ANTXRL: variants seen among roughly 807,000 people sequenced by gnomAD.
ANTXRL encodes the protein anthrax toxin receptor-like.
In ANTXRL, 63 loss-of-function variants were observed where a neutral mutation model predicts 75.4. That is an observed-to-expected ratio of 0.84 (90% CI 0.68 to 1.03). ANTXRL has a LOEUF of 1.03. ANTXRL is among the 50% of genes least tolerant of loss of function. The pLI is 0.00. For synonymous variants in ANTXRL, 335 were observed against 291.3 expected, an observed-to-expected ratio of 1.15 and a Z score of -1.53; for missense variants, 797 against 789.4, an observed-to-expected ratio of 1.01 and a Z score of -0.12.
intron 16 of ANTXRL, among the ~76,000 whole-genome samples, chr10:46,327,332 G>A (rs1240703904): frequency 2.0e-5 from 3 of 152,066 alleles, no homozygotes; most frequent in African/African-American, 7.2e-5. Flanking sequence ...TGGGAGGGAA[G>A]ATGGTCCTGG....
chr10:46,325,078 C>A (rs1433209618), intron 16 of ANTXRL, among the ~76,000 whole-genome samples: 1 of 152,088 alleles, frequency 6.6e-6, no homozygotes, highest in Non-Finnish European at 1.5e-5. Context: ...CTGGTATACA[C>A]CAGCATTGCA....
rs1554955536 is a variant in ANTXRL at position 46,287,433 on chromosome 10, A to G, written c.171A>G (p.Gly57=). The part of the protein sequence containing the change: ...SRRAHHHHGP[G]WRQHWRQGQA... ...GAGCCCACCACCACCATGGCCCAGG[A>G]TGGAGGCAGCACTGGCGCCAGGGGC... Residue 57 remains glycine, a synonymous_variant, in exon 1 of 17, where the codon GGA becomes GGG. Transcript: ENST00000620264. 1.3e-6 allele frequency: 2 copies of G among 1,535,718 alleles called. No individual in the cohort carries two copies. The highest frequency in any genetic ancestry group is 1.4e-5 in the African/African-American group (1 of 72,942).
At chr10:46,297,693 C>A (rs1554959301) in intron 7 of ANTXRL, 138 bp from the exon 8 acceptor site, 10 of 893,238 alleles carry the variant, frequency 1.1e-5, no homozygotes, top group Non-Finnish European at 5.2e-6. Context: ...GGGCTGCTGG[C>A]TGGAGAAGTC....
At chr10:46,325,453 G>GT (rs1441636862) in intron 16 of ANTXRL, among the ~76,000 whole-genome samples, 3 of 152,220 alleles carry the variant, frequency 2.0e-5, no homozygotes, top group Non-Finnish European at 4.4e-5. Flanking sequence ...AGCCTTTTGG[G>GT]TTTTTTCTTG....
intron 13 of ANTXRL, among the ~76,000 whole-genome samples, chr10:46,310,120 G>A (rs1838336442): frequency 6.6e-6 from 1 of 152,136 alleles, no homozygotes; most frequent in Non-Finnish European, 1.5e-5. Context: ...CTCTCCCTAA[G>A]GAAGGGAAGT....
Position 46,310,484 on chromosome 10 carries a change from G to T in ANTXRL, c.1158G>T (p.Val386=). The T allele has an allele frequency of 2.6e-6, 4 of 1,536,322 alleles. No homozygotes were observed. The highest frequency in any genetic ancestry group is 3.5e-6 in the Non-Finnish European group (4 of 1,146,784). ...AGACTGTCAAGGAGCCACCACCTGT[G>T]CAGAAGCCAGAAAAGGTAAGTTGCA... is the stretch of plus-strand genomic sequence containing the variant. ...RKQTVKEPPP[V]QKPEKEPEQE... The change falls in exon 14 of 17, where the codon GTG becomes GTT. Residue 386 remains valine (V), a synonymous_variant. Coordinates refer to ENST00000620264, the MANE Select transcript of ANTXRL (RefSeq NM_001278688.3).
At chr10:46,316,967 A>G (rs1450506618) in intron 16 of ANTXRL, among the ~76,000 whole-genome samples, 3 of 152,080 alleles carry the variant, frequency 2.0e-5, no homozygotes, top group African/African-American at 4.8e-5. Context: ...GTGAGTGCAC[A>G]CTGCAAGGAC....
rs188940277 is a variant in ANTXRL at position 46,300,154 on chromosome 10, C to T, written c.796+2092C>T. Among the ~76,000 whole-genome samples the T allele has an allele frequency of 1.4e-4, 21 of 152,282 alleles. No homozygotes were observed. In the East Asian group the frequency reaches 3.7e-3, roughly 27 times the overall value. On this transcript the variant is annotated intron_variant, in intron 9 of 16. Transcript: ENST00000620264. The stretch of plus-strand genomic sequence containing the variant: ...GGCAGGTGCCCTCTGCCCACCAGCT[C>T]GGCCTTCTGCCTCTGCTCACGTGGC...
At chr10:46,297,501 C>T (rs1554959189) in intron 7 of ANTXRL, 27 bp downstream of exon 7, 8 of 1,533,236 alleles carry the variant, frequency 5.2e-6, no homozygotes, top group Non-Finnish European at 7.0e-6. Flanking sequence ...AACCAGGCGC[C>T]ACTTTCAAGC....
intron 2 of ANTXRL, among the ~76,000 whole-genome samples, chr10:46,292,352 GC>G (rs1837028112): frequency 4.6e-5 from 7 of 152,106 alleles, no homozygotes; most frequent in Non-Finnish European, 8.8e-5. Flanking sequence ...CAGACATATT[GC>G]AGGGGAGGCA....
At chr10:46,320,233 G>C (rs1838917185) in intron 16 of ANTXRL, among the ~76,000 whole-genome samples, 1 of 152,146 alleles carries the variant, frequency 6.6e-6, no homozygotes, top group Non-Finnish European at 1.5e-5. Flanking sequence ...TTTCCTGGGG[G>C]CTCACTCTTG....
At chr10:46,301,519 G>A (rs114180222) in intron 9 of ANTXRL, among the ~76,000 whole-genome samples, 4,714 of 152,262 alleles carry the variant, frequency 0.031, 261 homozygotes, top group African/African-American at 0.11. Flanking sequence ...AGCAGTCAGC[G>A]TTGAGGGCCT....
intron 10 of ANTXRL, among the ~76,000 whole-genome samples, chr10:46,304,862 A>T (rs760209504): frequency 6.6e-6 from 1 of 151,972 alleles, no homozygotes; most frequent in Non-Finnish European, 1.5e-5. Context: ...CGTGAGTGGC[A>T]TTCAGCTGCC....
Position 46,287,516 on chromosome 10 carries a change from T to C in ANTXRL, c.248+6T>C, listed in dbSNP as rs781960279. 2.6e-6 allele frequency: 4 copies of C among 1,534,128 alleles called. No individual in the cohort carries two copies. The highest frequency in any genetic ancestry group is 3.5e-6 in the Non-Finnish European group (4 of 1,145,854). Reference sequence around the variant, plus strand: ...CTCTACTTCATCTTGGACAAGTGAGTGTCCCTTCTAGCTCTGGCCCTGGGT... The same window carrying C: ...CTCTACTTCATCTTGGACAAGTGAGCGTCCCTTCTAGCTCTGGCCCTGGGT... On this transcript the variant is annotated splice_donor_region_variant and intron_variant, in intron 1 of 16. Transcript: ENST00000620264.
chr10:46,313,913 C>T (rs1838576836), intron 16 of ANTXRL, among the ~76,000 whole-genome samples: 2 of 152,210 alleles, frequency 1.3e-5, no homozygotes, highest in African/African-American at 4.8e-5. Flanking sequence ...GACTCCTGCC[C>T]TTACTCTGCA....
At chr10:46,300,948 T>C (rs71498216) in intron 9 of ANTXRL, among the ~76,000 whole-genome samples, 1,726 of 152,252 alleles carry the variant, frequency 0.011, 15 homozygotes, top group Non-Finnish European at 0.017. Flanking sequence ...CCACTGGGAT[T>C]TTACAATGAA....
At chr10:46,295,933 A>T in intron 3 of ANTXRL, 86 bp from the exon 4 acceptor site, 2 of 1,122,808 alleles carry the variant, frequency 1.8e-6, no homozygotes, top group Non-Finnish European at 2.6e-6. Context: ...ACTGGCGCAA[A>T]GAACAGTGGC....
At position 46,313,224 on chromosome 10, in the gene ANTXRL, G is replaced by A. The variant is rs1295256945; in HGVS notation, c.1330-12G>A. On this transcript the variant is annotated splice_polypyrimidine_tract_variant and intron_variant, in intron 15 of 16. Transcript: ENST00000620264. The stretch of plus-strand genomic sequence containing the variant: ...AGCTGCATGTCTTCCTCATGGCCAC[G>A]TTGCTTTTCAGGGCAATCTGGATAC... 2.8e-5 allele frequency: 43 copies of A among 1,535,512 alleles called. No individual in the cohort carries two copies. The highest frequency in any genetic ancestry group is 3.0e-5 in the Non-Finnish European group (34 of 1,146,554).
intron 16 of ANTXRL, 51 bp from the exon 17 acceptor site, chr10:46,329,548 C>G: frequency 6.6e-7 from 1 of 1,512,944 alleles, no homozygotes; most frequent in Non-Finnish European, 8.8e-7. Flanking sequence ...GCCTTCTGAG[C>G]CCAGTTCGAA....
Sources: gnomAD v4.1 joint callset for allele counts (sites outside exome capture counted in the v4.1 genomes callset) on GRCh38, gnomAD v4.1.1 for gene constraint, MANE v1.5 for transcripts, NCBI Gene and HGNC (gene_info 2026-07-23, HGNC 2026-07-21) for gene names.